ADAMTSL4: variants seen among roughly 807,000 people sequenced by gnomAD.
The protein encoded by ADAMTSL4 is ADAMTS-like protein 4.
In ADAMTSL4, 97 loss-of-function variants were observed where a neutral mutation model predicts 122.8. The ratio of observed to expected loss-of-function variants is 0.79; its 90% CI spans 0.67 to 0.93. The LOEUF (loss-of-function observed/expected upper bound fraction) is 0.93, where lower values mean the gene tolerates loss of function less well. Among genes scored for constraint, ADAMTSL4 ranks in the 40% least tolerant of loss-of-function variants. The pLI, the probability that ADAMTSL4 is intolerant of heterozygous loss-of-function variation, is 0.00. For missense variants in ADAMTSL4, 1,408 were observed against 1,453.5 expected (o/e 0.97, Z 0.51); for synonymous variants, 592 against 568.0 (o/e 1.04, Z -0.60).
In ADAMTSL4 at chr1:150,558,035, G is replaced by C; in HGVS notation, c.2268G>C (p.Gly756=). The C allele has an allele frequency of 6.2e-7, 1 of 1,612,832 alleles. No homozygotes were observed. Among genetic ancestry groups the C allele is most frequent in the Non-Finnish European group, 8.5e-7 (1 of 1,179,850 alleles). ...RQLQCRQEFG[G]GGSSVPPERC... ...TGCAGTGCCGGCAGGAATTTGGGGG[G>C]GGTGGCTCCTCGGTGCCCCCGGAGC... is the stretch of plus-strand genomic sequence containing the variant. The change falls in exon 14 of 19, where the codon GGG becomes GGC. Residue 756 remains glycine (G), a synonymous_variant. Coordinates refer to ENST00000271643, the MANE Select transcript of ADAMTSL4 (RefSeq NM_019032.6).
chr1:150,555,416 C>A lies in ADAMTSL4; in HGVS notation c.1235-13C>A, dbSNP rs766291988. 1 of 1,613,998 alleles carries A rather than the reference C, an allele frequency of 6.2e-7. No individual in the cohort carries two copies. Among genetic ancestry groups the A allele is most frequent in the Non-Finnish European group, 8.5e-7 (1 of 1,179,952 alleles). On this transcript the variant is annotated splice_polypyrimidine_tract_variant and intron_variant, in intron 7 of 18. Transcript: ENST00000271643. ...AGGGAGCCCACTAACCACCCTTCTA[C>A]CCTGTCCCTTAGTCCAGGGCTCCCA...
In ADAMTSL4 at chr1:150,554,430, C is replaced by A. The variant is rs780280898; in HGVS notation, c.1197C>A (p.Phe399Leu). ...GCGCAGCCTTTAACTCCCAGGAATT[C>A]ATGGGCCAGCTGTATCAGTGGGAGC... ...LQCAAFNSQEFMGQLYQWEPF... is the reference protein window; with the variant it reads ...LQCAAFNSQELMGQLYQWEPF... The change falls in exon 7 of 19, where the codon TTC (phenylalanine) becomes TTA (leucine). Residue 399 changes from phenylalanine (F) to leucine (L), a missense_variant. Transcript: ENST00000271643. The surrounding 1 kb of genome is among the most constrained non-coding windows in gnomAD (Gnocchi z 4.0). 27 of 1,614,052 alleles carry A rather than the reference C, an allele frequency of 1.7e-5. No individual in the cohort carries two copies. Among genetic ancestry groups the A allele is most frequent in the Non-Finnish European group, 2.3e-5 (27 of 1,180,030 alleles).
In ADAMTSL4 at chr1:150,554,741, C is replaced by CA; in HGVS notation, c.1234+276dup. On this transcript the variant is annotated intron_variant, in intron 7 of 18. Transcript: ENST00000271643. This position sits in a 1 kb window ranked among gnomAD's most constrained non-coding sequence, Gnocchi z 4.0. ...CACTGGGGGTCAGGTGGCTGTGACA[C>CA]AAGAGGGCCATGGTGGGAGAGATCC... 7.7e-7 allele frequency: 1 copy of CA among 1,299,858 alleles called. No homozygotes were observed. Among genetic ancestry groups the CA allele is most frequent in the Non-Finnish European group, 1.1e-6 (1 of 949,524 alleles). 80.5% of individuals were successfully genotyped at this position (1,299,858 alleles called of 1,614,324 possible).
Position 150,559,457 on chromosome 1 carries a change from C to T in ADAMTSL4, c.2934C>T (p.Pro978=). Residue 978 remains proline, a synonymous_variant, in exon 17 of 19, where the codon CCC becomes CCT. Transcript: ENST00000271643. The surrounding 1 kb of genome is among the most constrained non-coding windows in gnomAD (Gnocchi z 4.1). ...QACQDRWFST[P]WSPCSRSCQG... ...GCCAGGACCGATGGTTTTCCACGCC[C>T]TGGAGCCCAGTGAGTGTCTGGCTGC... 1 of 1,613,340 alleles carries T rather than the reference C, an allele frequency of 6.2e-7. No homozygotes were observed. Among genetic ancestry groups the T allele is most frequent in the Non-Finnish European group, 8.5e-7 (1 of 1,179,990 alleles).
In ADAMTSL4 at chr1:150,556,625, TCGTGGCCCTGGGGGCC is replaced by T; in HGVS notation, c.1582_1597del (p.Arg528GlyfsTer52). 6.2e-7 allele frequency: 1 copy of T among 1,613,956 alleles called. No individual in the cohort carries two copies. The highest frequency in any genetic ancestry group is 1.1e-5 in the South Asian group (1 of 91,078). ...TCTCTCACCTCTGACCCGCAGCACT[TCGTGGCCCTGGGGGCC>T]GGTCCATCATCAATGGGAACTGGGC... On this transcript the variant is annotated frameshift_variant, in exon 10 of 19. Transcript: ENST00000271643. LOFTEE classifies it high-confidence loss of function. The surrounding 1 kb of genome is among the most constrained non-coding windows in gnomAD (Gnocchi z 4.1).
At chr1:150,555,892 T>G in intron 8 of ADAMTSL4, 1 of 602,004 alleles carries the variant, frequency 1.7e-6, no homozygotes, top group Non-Finnish European at 3.0e-6. Context: ...CACACACGTA[T>G]TTGCACAGTC....
chr1:150,554,118 A>C lies in ADAMTSL4; in HGVS notation c.1127A>C (p.Gln376Pro). Residue 376 changes from glutamine to proline, a missense_variant, in exon 6 of 19, where the codon CAA (glutamine) becomes CCA (proline). Coordinates refer to ENST00000271643, the MANE Select transcript of ADAMTSL4 (RefSeq NM_019032.6). The surrounding 1 kb of genome is among the most constrained non-coding windows in gnomAD (Gnocchi z 4.0). ...AGTGAACAGCTAAGAGCCTGCAGCC[A>C]AGCGGTGAGTCTCCTCGGGCCTCCC... ...GESEQLRACS[Q>P]APCPPEQPDP... The C allele has an allele frequency of 6.3e-7, 1 of 1,599,240 alleles. No homozygotes were observed. The highest frequency in any genetic ancestry group is 8.5e-7 in the Non-Finnish European group (1 of 1,179,890).
rs769666193 is a variant in ADAMTSL4 at position 150,556,392 on chromosome 1, C to A, written c.1576+26C>A. ...GTGAGCACCCAGCTGCCTCCCCTTC[C>A]ACTTCCGTCTCTGTTCGGCCCTCCA... On this transcript the variant is annotated intron_variant, in intron 9 of 18. Coordinates refer to ENST00000271643, the MANE Select transcript of ADAMTSL4 (RefSeq NM_019032.6). This position sits in a 1 kb window ranked among gnomAD's most constrained non-coding sequence, Gnocchi z 4.1. The A allele has an allele frequency of 6.2e-7, 1 of 1,613,396 alleles. No homozygotes were observed. Among genetic ancestry groups the A allele is most frequent in the Non-Finnish European group, 8.5e-7 (1 of 1,179,744 alleles).
At position 150,554,682 on chromosome 1, in the gene ADAMTSL4, A is replaced by G; in HGVS notation, c.1234+215A>G. 1 of 1,530,562 alleles carries G rather than the reference A, an allele frequency of 6.5e-7. No homozygotes were observed. Among genetic ancestry groups the G allele is most frequent in the Non-Finnish European group, 8.8e-7 (1 of 1,142,528 alleles). 94.8% of individuals were successfully genotyped at this position (1,530,562 alleles called of 1,614,324 possible). ...GGGGTGGGAGGAGGAGGTGTGGGAG[A>G]CACGCTTTGTCCGGACTCCCCTGGG... On this transcript the variant is annotated intron_variant, in intron 7 of 18. Transcript: ENST00000271643. This position sits in a 1 kb window ranked among gnomAD's most constrained non-coding sequence, Gnocchi z 4.0.
rs1672070093 is a variant in ADAMTSL4, at chr1:150,556,037, T to G, written c.1372-125T>G. On this transcript the variant is annotated intron_variant, in intron 8 of 18. Transcript: ENST00000271643. This position sits in a 1 kb window ranked among gnomAD's most constrained non-coding sequence, Gnocchi z 4.1. ...TGGGTCTGGCTGGGGATGGTGGGGC[T>G]GTTTTTGTGCTCTCACTTGTGGCAC... 1 of 982,508 alleles carries G rather than the reference T, an allele frequency of 1.0e-6. No individual in the cohort carries two copies. The highest frequency in any genetic ancestry group is 1.6e-6 in the Non-Finnish European group (1 of 637,494). The allele number at this position is 982,508 out of a possible 1,614,324, so 60.9% of individuals were successfully genotyped here.
chr1:150,556,337 C>T lies in ADAMTSL4; in HGVS notation c.1547C>T (p.Ala516Val). 1 of 1,614,054 alleles carries T rather than the reference C, an allele frequency of 6.2e-7. No individual in the cohort carries two copies. Among genetic ancestry groups the T allele is most frequent in the Non-Finnish European group, 8.5e-7 (1 of 1,180,004 alleles). ...GCGGGAGCCTTGCGGCTCCAGATTG[C>T]CCAGCTCCGGCCTAGCTCCAACTAC... ...IPAGALRLQIAQLRPSSNYLA... is the reference protein window; with the variant it reads ...IPAGALRLQIVQLRPSSNYLA... The change falls in exon 9 of 19, where the codon GCC becomes GTC. Residue 516 changes from alanine to valine, a missense_variant. By Grantham distance (64) the Ala-to-Val change is moderately conservative. Transcript: ENST00000271643. This position sits in a 1 kb window ranked among gnomAD's most constrained non-coding sequence, Gnocchi z 4.1.
Position 150,558,059 on chromosome 1 carries a change from G to A in ADAMTSL4, c.2292G>A (p.Glu764=). 1 of 1,613,072 alleles carries A rather than the reference G, an allele frequency of 6.2e-7. No individual in the cohort carries two copies. Among genetic ancestry groups the A allele is most frequent in the Middle Eastern group, 1.7e-4 (1 of 6,056 alleles). Residue 764 remains glutamate, a synonymous_variant, in exon 14 of 19, where the codon GAG becomes GAA. Transcript: ENST00000271643. The part of the protein sequence containing the change: ...FGGGGSSVPP[E]RCGHLPRPNI... ...GGGGTGGCTCCTCGGTGCCCCCGGA[G>A]CGCTGTGGACATCTCCCCCGGCCCA...
rs140005044 is a variant in ADAMTSL4, at chr1:150,557,328, C to T, written c.2040C>T (p.Cys680=). ...RVGHSACSAS[C]GKGVWRPIFL... ...GACACTCTGCATGCTCAGCGTCCTG[C>T]GGGAAAGGTGAGACATCACAGTGCG... The change falls in exon 12 of 19, where the codon TGC becomes TGT. Residue 680 remains cysteine, a synonymous_variant. Transcript: ENST00000271643. The T allele has an allele frequency of 5.3e-4, 849 of 1,610,222 alleles. 1 individual carries two copies. The highest frequency in any genetic ancestry group is 1.3e-3 in the South Asian group (122 of 90,526).
chr1:150,555,496 T>A lies in ADAMTSL4; in HGVS notation c.1302T>A (p.Thr434=), dbSNP rs1301863586. ...GCTTCCGCTTCTATGTCCGTCACAC[T>A]GAAAAGGTCCAGGATGGGACCCTGT... The part of the protein sequence containing the change: ...PRGFRFYVRH[T]EKVQDGTLCQ... The change falls in exon 8 of 19, where the codon ACT becomes ACA. Residue 434 remains threonine (T), a synonymous_variant. Transcript: ENST00000271643. The A allele has an allele frequency of 1.2e-6, 2 of 1,614,040 alleles. No homozygotes were observed. Among genetic ancestry groups the A allele is most frequent in the African/African-American group, 2.7e-5 (2 of 74,930 alleles).
intron 2 of ADAMTSL4, chr1:150,551,309 G>A (rs1230410862): frequency 8.9e-6 from 3 of 335,484 alleles, no homozygotes; most frequent in East Asian, 7.6e-5. Context: ...TTACATTGCC[G>A]GCTTCTTCTC....
At chr1:150,550,464 T>C (rs1671288403) in intron 2 of ADAMTSL4, 1 of 396,270 alleles carries the variant, frequency 2.5e-6, no homozygotes, top group South Asian at 1.9e-5. Flanking sequence ...CAGCTCGGGA[T>C]GGGATTATGT....
chr1:150,553,521 G>A lies in ADAMTSL4; in HGVS notation c.530G>A (p.Ser177Asn). Residue 177 changes from serine (S) to asparagine (N), a missense_variant, in exon 6 of 19, where the codon AGC becomes AAC. Physicochemically the swap from Ser to Asn is conservative, Grantham distance 46. Coordinates refer to ENST00000271643, the MANE Select transcript of ADAMTSL4 (RefSeq NM_019032.6). ...PLHRNRRHPR[S>N]PPRSELSLIS... is the part of the protein sequence containing the mutation. The stretch of plus-strand genomic sequence containing the variant: ...CACCGGAACCGCAGGCACCCTCGGA[G>A]CCCACCCAGATCTGAGCTGTCCCTG... 6.2e-7 allele frequency: 1 copy of A among 1,613,890 alleles called. No individual in the cohort carries two copies. The highest frequency in any genetic ancestry group is 8.5e-7 in the Non-Finnish European group (1 of 1,179,966).
chr1:150,558,103 A>G lies in ADAMTSL4; in HGVS notation c.2336A>G (p.Gln779Arg), dbSNP rs749143719. 1 of 1,613,300 alleles carries G rather than the reference A, an allele frequency of 6.2e-7. No individual in the cohort carries two copies. The highest frequency in any genetic ancestry group is 2.2e-5 in the East Asian group (1 of 44,894). ...LPRPNITQSC[Q>R]LRLCGHWEVG... ...CGGCCCAACATCACCCAGTCTTGCC[A>G]GCTGCGCCTCTGTGGCCATTGGGAA... is the stretch of plus-strand genomic sequence containing the variant. Residue 779 changes from glutamine (Q) to arginine (R), a missense_variant, in exon 14 of 19, where the codon CAG becomes CGG. By Grantham distance (43) the Gln-to-Arg change is conservative (BLOSUM62 1). Coordinates refer to ENST00000271643, the MANE Select transcript of ADAMTSL4 (RefSeq NM_019032.6).
chr1:150,557,785 G>A (rs1015154239), intron 13 of ADAMTSL4, 160 bp from the exon 14 acceptor site: 1 of 1,282,988 alleles, frequency 7.8e-7, no homozygotes, highest in South Asian at 1.4e-5. Flanking sequence ...AGAAAGCCAT[G>A]GCAGGCTGAG....
Sources: gnomAD v4.1 joint callset for allele counts on GRCh38, gnomAD v4.1.1 for gene constraint, Gnocchi (gnomAD v3.1) non-coding constraint, MANE v1.5 for transcripts, NCBI Gene and HGNC (gene_info 2026-07-23, HGNC 2026-07-21) for gene names.